MEIS1: variants seen among roughly 807,000 people sequenced by gnomAD.
The protein encoded by MEIS1 is Meis homeobox 1, also known as homeobox protein Meis1.
In MEIS1, 5 loss-of-function variants were observed where a neutral mutation model predicts 50.8. The ratio of observed to expected loss-of-function variants is 0.10; its 90% CI spans 0.05 to 0.21. MEIS1 has a LOEUF of 0.21. MEIS1 is among the 10% of genes least tolerant of loss of function. The pLI, the probability that MEIS1 is intolerant of heterozygous loss-of-function variation, is 1.00. For synonymous variants in MEIS1, 176 were observed against 179.3 expected (o/e 0.98, Z 0.15); for missense variants, 318 against 517.3 (o/e 0.61, Z 3.74).
intron 2 of MEIS1, among the ~76,000 whole-genome samples, chr2:66,438,477 T>C (rs955387015): frequency 6.6e-6 from 1 of 152,234 alleles, no homozygotes; most frequent in Admixed American, 6.5e-5. Context: ...AGGGGGAACA[T>C]GTTTTGCATT....
intron 7 of MEIS1, among the ~76,000 whole-genome samples, chr2:66,509,597 G>A (rs1673774421): frequency 6.6e-6 from 1 of 152,190 alleles, no homozygotes; most frequent in Non-Finnish European, 1.5e-5. Flanking sequence ...TGCTTGAAAG[G>A]TTTCTCCATT....
chr2:66,522,185 T>G (rs1012412375), intron 8 of MEIS1, among the ~76,000 whole-genome samples: 7 of 152,238 alleles, frequency 4.6e-5, no homozygotes, highest in African/African-American at 1.7e-4. Context: ...GGCATGCCAT[T>G]TGTACCATCA....
chr2:66,440,659 T>G, intron 4 of MEIS1, 47 bp downstream of exon 4: 1 of 1,009,988 alleles, frequency 9.9e-7, no homozygotes, highest in Non-Finnish European at 1.3e-6. Context: ...ACCCCCTACC[T>G]CCCACCTCCA....
intron 6 of MEIS1, 58 bp from the exon 7 acceptor site, chr2:66,464,051 C>T: frequency 2.4e-6 from 3 of 1,266,480 alleles, no homozygotes; most frequent in Non-Finnish European, 3.4e-6. Context: ...CCATGGGATC[C>T]TACCAATAAG....
chr2:66,498,665 G>C (rs1673470620), intron 7 of MEIS1, among the ~76,000 whole-genome samples: 1 of 152,182 alleles, frequency 6.6e-6, no homozygotes, highest in African/African-American at 2.4e-5. Context: ...CGCAGCTACA[G>C]TCTTCCTGGC....
chr2:66,527,649 G>C (rs899447304), intron 8 of MEIS1, among the ~76,000 whole-genome samples: 2 of 150,942 alleles, frequency 1.3e-5, no homozygotes, highest in Non-Finnish European at 2.9e-5. Context: ...TGTTGGGGGG[G>C]AGACAGGGAT....
intron 5 of MEIS1, 80 bp from the exon 6 acceptor site, chr2:66,442,822 A>G: frequency 7.4e-7 from 1 of 1,355,262 alleles, no homozygotes; most frequent in South Asian, 1.6e-5. Context: ...GGATCTCACA[A>G]GGGGGGTGGA....
intron 9 of MEIS1, among the ~76,000 whole-genome samples, chr2:66,554,986 A>G (rs900078727): frequency 6.6e-6 from 1 of 152,200 alleles, no homozygotes; most frequent in Non-Finnish European, 1.5e-5. Context: ...CTATGAGTCT[A>G]TGAAGGGCAT....
intron 7 of MEIS1, among the ~76,000 whole-genome samples, chr2:66,505,751 A>T (rs1197026278): frequency 6.6e-6 from 1 of 152,216 alleles, no homozygotes; most frequent in African/African-American, 2.4e-5. Context: ...TTTAAATTAT[A>T]ATTGCAGAAA....
At chr2:66,473,547 A>T (rs1014166179) in intron 7 of MEIS1, among the ~76,000 whole-genome samples, 2 of 151,860 alleles carry the variant, frequency 1.3e-5, no homozygotes, top group African/African-American at 4.8e-5. Context: ...CTATATTGTG[A>T]TATGCAAATA....
intron 8 of MEIS1, among the ~76,000 whole-genome samples, chr2:66,517,472 A>G (rs555337737): frequency 4.7e-4 from 71 of 152,272 alleles, no homozygotes; most frequent in African/African-American, 1.6e-3. Context: ...TTTTACATAC[A>G]TAAGAAGAAT....
intron 8 of MEIS1, among the ~76,000 whole-genome samples, chr2:66,536,065 T>G (rs1458202023): frequency 2.0e-5 from 3 of 152,194 alleles, no homozygotes; most frequent in African/African-American, 7.2e-5. Context: ...TGCCTGTGTG[T>G]TAAAGAATTC....
At chr2:66,443,109 G>T in intron 6 of MEIS1, 61 bp downstream of exon 6, 1 of 1,512,262 alleles carries the variant, frequency 6.6e-7, no homozygotes, top group Non-Finnish European at 8.8e-7. Context: ...CATATTGCTT[G>T]CTGGGTCACT....
Position 66,571,729 on chromosome 2 carries a change from G to A in MEIS1, c.*521G>A. 2 of 584,966 alleles carry A rather than the reference G, an allele frequency of 3.4e-6. No homozygotes were observed. Among genetic ancestry groups the A allele is most frequent in the Non-Finnish European group, 5.9e-6 (2 of 336,480 alleles). 36.2% of individuals were successfully genotyped at this position (584,966 alleles called of 1,614,324 possible). A position where few individuals can be genotyped will look rare whatever the true frequency, so the allele number is the denominator to read the frequency against. On this transcript the variant is annotated 3_prime_UTR_variant, in exon 13 of 13. Coordinates refer to ENST00000272369, the MANE Select transcript of MEIS1 (RefSeq NM_002398.3). ...TAAATAACTATATAAGACATTAAGAGAACAAAGAGTGAAATATTGTAAATG... is the reference window on the plus strand; with the variant it reads ...TAAATAACTATATAAGACATTAAGAAAACAAAGAGTGAAATATTGTAAATG...
chr2:66,468,782 A>C (rs1468981147), intron 7 of MEIS1, among the ~76,000 whole-genome samples: 1 of 152,252 alleles, frequency 6.6e-6, no homozygotes, highest in African/African-American at 2.4e-5. Flanking sequence ...TGAATAAGAT[A>C]GAATCACCTT....
intron 7 of MEIS1, among the ~76,000 whole-genome samples, chr2:66,490,240 G>A (rs988523574): frequency 2.0e-5 from 3 of 152,212 alleles, no homozygotes; most frequent in African/African-American, 4.8e-5. Context: ...GCAAAACTGA[G>A]AAAAATCCAA....
chr2:66,501,699 T>A (rs1315968813), intron 7 of MEIS1, among the ~76,000 whole-genome samples: 1 of 152,022 alleles, frequency 6.6e-6, no homozygotes, highest in African/African-American at 2.4e-5. Context: ...TGGTGTATGT[T>A]GTATGTGTCC....
chr2:66,452,074 A>G (rs1200508856), intron 6 of MEIS1, among the ~76,000 whole-genome samples: 1 of 151,960 alleles, frequency 6.6e-6, no homozygotes, highest in Admixed American at 6.6e-5. Context: ...CTATTATGCT[A>G]CAATCAGAAC....
Position 66,512,279 on chromosome 2 carries a change from G to T in MEIS1, c.873G>T (p.Leu291=). 6.2e-7 allele frequency: 1 copy of T among 1,611,106 alleles called. No homozygotes were observed. The change falls in exon 8 of 13, where the codon CTG becomes CTT. Residue 291 remains leucine, a synonymous_variant. Coordinates refer to ENST00000272369, the MANE Select transcript of MEIS1 (RefSeq NM_002398.3). ...CCACAAATATCATGAGGGCGTGGCT[G>T]TTCCAGCATCTAACAGTAAGTGGAT... ...KVATNIMRAW[L]FQHLTHPYPS... is the part of the protein sequence containing the mutation.
Sources: gnomAD v4.1 joint callset for allele counts (sites outside exome capture counted in the v4.1 genomes callset) on GRCh38, gnomAD v4.1.1 for gene constraint, MANE v1.5 for transcripts, NCBI Gene and HGNC (gene_info 2026-07-23, HGNC 2026-07-21) for gene names.